Variants in RBFOX1 observed in about 807,000 individuals in gnomAD.
RBFOX1 encodes RNA binding protein fox-1 homolog 1.
In RBFOX1, 8 loss-of-function variants were observed where a neutral mutation model predicts 57.7. The ratio of observed to expected loss-of-function variants is 0.14; its 90% CI spans 0.08 to 0.25. The LOEUF (loss-of-function observed/expected upper bound fraction) is 0.25, where lower values mean the gene tolerates loss of function less well. RBFOX1 is among the 10% of genes least tolerant of loss of function. The probability of loss-of-function intolerance (pLI) is 1.00; values close to 1 mark genes in which losing one functional copy is unlikely to be tolerated. For missense variants in RBFOX1, 611 were observed against 548.5 expected (o/e 1.11, Z -1.14); for synonymous variants, 326 against 222.4 (o/e 1.47, Z -4.15).
chr16:5,821,462 C>G (rs902916893), intron 3 of RBFOX1, among the ~76,000 whole-genome samples: 1 of 151,866 alleles, frequency 6.6e-6, no homozygotes, highest in African/African-American at 2.4e-5. Context: ...GCCACTAAGC[C>G]CAGCTAATTT....
chr16:7,013,477 A>C (rs943325502), intron 3 of RBFOX1, among the ~76,000 whole-genome samples: 8 of 152,180 alleles, frequency 5.3e-5, no homozygotes, highest in African/African-American at 1.9e-4. Context: ...AGATGGAGTG[A>C]AGGCATGCCT....
intron 4 of RBFOX1, among the ~76,000 whole-genome samples, chr16:7,221,799 C>A (rs569219707): frequency 3.9e-5 from 6 of 152,316 alleles, no homozygotes; most frequent in African/African-American, 1.4e-4. Context: ...CTTTTACAAG[C>A]GAGATCTAAG....
intron 1 of RBFOX1, among the ~76,000 whole-genome samples, chr16:5,414,456 A>G (rs2067107227): frequency 1.3e-5 from 2 of 152,168 alleles, no homozygotes; most frequent in African/African-American, 2.4e-5. Flanking sequence ...AATCAACAGA[A>G]TGGAGGGTGA....
At chr16:5,615,549 G>C (rs1266930833) in intron 3 of RBFOX1, among the ~76,000 whole-genome samples, 3 of 152,206 alleles carry the variant, frequency 2.0e-5, no homozygotes, top group African/African-American at 7.2e-5. Flanking sequence ...CAAGGCAGCT[G>C]GCTGCCAATC....
At chr16:6,045,370 C>A (rs1046872981) in intron 1 of RBFOX1, among the ~76,000 whole-genome samples, 1 of 152,048 alleles carries the variant, frequency 6.6e-6, no homozygotes, top group East Asian at 1.9e-4. Flanking sequence ...GTTGAGAGTT[C>A]TCTAGGAAGT....
At chr16:5,691,170 A>G (rs1409675634) in intron 3 of RBFOX1, among the ~76,000 whole-genome samples, 1 of 152,242 alleles carries the variant, frequency 6.6e-6, no homozygotes, top group Non-Finnish European at 1.5e-5. Flanking sequence ...GAGCTCCTCA[A>G]CATCTTTGTA....
intron 4 of RBFOX1, among the ~76,000 whole-genome samples, chr16:7,168,847 T>C (rs2080104892): frequency 6.6e-6 from 1 of 152,192 alleles, no homozygotes; most frequent in East Asian, 1.9e-4. Context: ...TCTCCTGACA[T>C]GAACAAATAT....
intron 4 of RBFOX1, among the ~76,000 whole-genome samples, chr16:7,512,732 C>T (rs1012304295): frequency 2.6e-5 from 4 of 152,228 alleles, no homozygotes; most frequent in East Asian, 3.9e-4. Context: ...CTGGCCCTTG[C>T]CTTTCCTCGG....
chr16:7,559,442 A>G (rs2089741159), intron 5 of RBFOX1, among the ~76,000 whole-genome samples: 1 of 152,162 alleles, frequency 6.6e-6, no homozygotes, highest in Non-Finnish European at 1.5e-5. Context: ...AACCATTGGA[A>G]ACATCACCTG....
At chr16:7,099,625 G>C (rs1306620503) in intron 4 of RBFOX1, among the ~76,000 whole-genome samples, 4 of 152,248 alleles carry the variant, frequency 2.6e-5, no homozygotes, top group South Asian at 2.1e-4. Flanking sequence ...GCCCAAGGTG[G>C]TTGGGGTATA....
chr16:7,443,869 AT>A (rs1453635665), intron 4 of RBFOX1, among the ~76,000 whole-genome samples: 1 of 152,158 alleles, frequency 6.6e-6, no homozygotes, highest in Non-Finnish European at 1.5e-5. Context: ...TGGCGTGAAA[AT>A]TTTGGGCGTC....
chr16:6,325,998 C>G (rs528434621), intron 2 of RBFOX1, among the ~76,000 whole-genome samples: 5 of 152,264 alleles, frequency 3.3e-5, no homozygotes, highest in African/African-American at 9.6e-5. Flanking sequence ...ATGTCCTCTC[C>G]CACTGACTGA....
intron 1 of RBFOX1, among the ~76,000 whole-genome samples, chr16:5,376,294 C>T (rs1415789765): frequency 6.6e-6 from 1 of 152,150 alleles, no homozygotes; most frequent in Non-Finnish European, 1.5e-5. Context: ...CCCAGTGCTG[C>T]TGAGTCCTAC....
At chr16:7,234,656 A>T (rs1036433765) in intron 4 of RBFOX1, among the ~76,000 whole-genome samples, 1 of 138,182 alleles carries the variant, frequency 7.2e-6, no homozygotes, top group African/African-American at 2.8e-5. Context: ...GTTTGTGTGT[A>T]TGTATATATG....
intron 3 of RBFOX1, among the ~76,000 whole-genome samples, chr16:6,952,000 G>T (rs1190248773): frequency 6.6e-6 from 1 of 152,180 alleles, no homozygotes; most frequent in Non-Finnish European, 1.5e-5. Flanking sequence ...TTACCAAAAA[G>T]CATATTAACA....
At chr16:6,757,806 C>G (rs187829039) in intron 3 of RBFOX1, among the ~76,000 whole-genome samples, 173 of 152,274 alleles carry the variant, frequency 1.1e-3, no homozygotes, top group African/African-American at 3.9e-3. Flanking sequence ...TGAAATGTCT[C>G]CAACCATAGA....
chr16:6,993,821 C>G (rs1444186741), intron 3 of RBFOX1, among the ~76,000 whole-genome samples: 1 of 152,154 alleles, frequency 6.6e-6, no homozygotes, highest in Non-Finnish European at 1.5e-5. Context: ...TGATAGTATG[C>G]TTGCATGAAC....
At chr16:5,640,428 C>G (rs374295891) in intron 3 of RBFOX1, among the ~76,000 whole-genome samples, 6 of 152,018 alleles carry the variant, frequency 3.9e-5, no homozygotes, top group East Asian at 3.9e-4. Context: ...TGCACACATA[C>G]ACATGCACAT....
intron 14 of RBFOX1, among the ~76,000 whole-genome samples, chr16:7,691,864 AT>A (rs2077418329): frequency 6.6e-6 from 1 of 152,168 alleles, no homozygotes; most frequent in Non-Finnish European, 1.5e-5. Context: ...GCCGCTTTGG[AT>A]AAATCATGTC....
Sources: allele counts gnomAD v4.1 joint callset (sites outside exome capture counted in the v4.1 genomes callset), GRCh38; gene constraint gnomAD v4.1.1; transcripts MANE v1.5; gene names NCBI Gene and HGNC (gene_info 2026-07-23, HGNC 2026-07-21).